SLC5A1: variants seen among roughly 807,000 people sequenced by gnomAD.
SLC5A1 encodes the protein solute carrier family 5 member 1, also known as sodium/glucose cotransporter 1.
SLC5A1 carries 42 observed loss-of-function variants against 73.5 expected under a neutral mutation model. The observed-to-expected ratio is 0.57, with a 90% CI of 0.45 to 0.74. The LOEUF (loss-of-function observed/expected upper bound fraction) is 0.74, where lower values mean the gene tolerates loss of function less well. SLC5A1 is among the 30% of genes least tolerant of loss of function. The pLI is 0.00. For synonymous variants in SLC5A1, 300 were observed against 317.4 expected (o/e 0.95, Z 0.58); for missense variants, 634 against 855.4 (o/e 0.74, Z 3.23).
intron 2 of SLC5A1, 87 bp downstream of exon 2, chr22:32,050,101 G>A (rs1478028933): frequency 2.5e-6 from 3 of 1,183,908 alleles, no homozygotes; most frequent in Non-Finnish European, 3.8e-6. Flanking sequence ...TTGGGTGGTG[G>A]TGATTCTAGG....
intron 2 of SLC5A1, among the ~76,000 whole-genome samples, chr22:32,059,723 A>G (rs899975862): frequency 6.6e-6 from 1 of 152,146 alleles, no homozygotes; most frequent in African/African-American, 2.4e-5. Flanking sequence ...GGTGGTTGAG[A>G]TCACCTCTGA....
rs541654306 is a variant in SLC5A1 at position 32,083,087 on chromosome 22, G to C, written c.597G>C (p.Ala199=). The C allele has an allele frequency of 6.8e-6, 11 of 1,614,138 alleles. No individual in the cohort carries two copies. Among genetic ancestry groups the C allele is most frequent in the Non-Finnish European group, 9.3e-6 (11 of 1,180,004 alleles). The change falls in exon 7 of 15, where the codon GCG becomes GCC. Residue 199 remains alanine, a synonymous_variant. Transcript: ENST00000266088. Reference sequence around the variant, plus strand: ...TTGCCTGCTTAGGGGGCCTGGCGGCGGTGATTTACACGGACACCTTGCAGA... The same window carrying C: ...TTGCCTGCTTAGGGGGCCTGGCGGCCGTGATTTACACGGACACCTTGCAGA... ...ALYTITGGLA[A]VIYTDTLQTV...
chr22:32,086,355 G>A, intron 10 of SLC5A1, 28 bp downstream of exon 10: 1 of 1,498,860 alleles, frequency 6.7e-7, no homozygotes, highest in South Asian at 1.1e-5. Context: ...GAGGTTGGTA[G>A]AGTCTTTCTT....
At chr22:32,063,332 T>A (rs1329898430) in intron 2 of SLC5A1, among the ~76,000 whole-genome samples, 1 of 152,164 alleles carries the variant, frequency 6.6e-6, no homozygotes, top group South Asian at 2.1e-4. Context: ...GGGACACTGA[T>A]TGAGAATCAG....
At chr22:32,108,115 T>G (rs1334373042) in intron 14 of SLC5A1, among the ~76,000 whole-genome samples, 3 of 151,890 alleles carry the variant, frequency 2.0e-5, no homozygotes. Context: ...TCAATTTTTT[T>G]TTTTTTTTTG....
chr22:32,077,804 A>C (rs2093993354), intron 5 of SLC5A1, among the ~76,000 whole-genome samples: 1 of 152,102 alleles, frequency 6.6e-6, no homozygotes. Flanking sequence ...ATTCTTCTAG[A>C]CTATGTTTTT....
chr22:32,051,111 T>A (rs1322518909), intron 2 of SLC5A1, among the ~76,000 whole-genome samples: 3 of 152,158 alleles, frequency 2.0e-5, no homozygotes, highest in African/African-American at 7.2e-5. Context: ...GAGAGACTCT[T>A]GTTTTGGAAG....
chr22:32,080,725 G>T (rs2093998437), intron 5 of SLC5A1, among the ~76,000 whole-genome samples: 1 of 152,248 alleles, frequency 6.6e-6, no homozygotes, highest in African/African-American at 2.4e-5. Context: ...GCTGGGCGCA[G>T]TGGCTCACGC....
intron 1 of SLC5A1, among the ~76,000 whole-genome samples, chr22:32,045,107 G>A (rs567318100): frequency 6.6e-6 from 1 of 152,134 alleles, no homozygotes; most frequent in Non-Finnish European, 1.5e-5. Flanking sequence ...TATGGTACCA[G>A]GCACTCTGCC....
chr22:32,066,797 T>A (rs1434724714), intron 2 of SLC5A1, 138 bp from the exon 3 acceptor site: 3 of 690,248 alleles, frequency 4.3e-6, no homozygotes, highest in Non-Finnish European at 8.1e-6. Context: ...CCCTGATGAT[T>A]CCAGCACAGT....
intron 2 of SLC5A1, among the ~76,000 whole-genome samples, chr22:32,065,950 A>T (rs1399960996): frequency 6.6e-6 from 1 of 152,240 alleles, no homozygotes; most frequent in Non-Finnish European, 1.5e-5. Flanking sequence ...CTTAGCAAGA[A>T]TGGGGATAAT....
chr22:32,056,382 A>G (rs542071079), intron 2 of SLC5A1, among the ~76,000 whole-genome samples: 35 of 151,690 alleles, frequency 2.3e-4, no homozygotes, highest in African/African-American at 8.2e-4. Flanking sequence ...ACAAATAAAA[A>G]TACAGGATGC....
At chr22:32,101,884 T>C (rs1441370609) in intron 12 of SLC5A1, 138 bp from the exon 13 acceptor site, 1 of 715,494 alleles carries the variant, frequency 1.4e-6, no homozygotes, top group Non-Finnish European at 2.5e-6. Context: ...ACTTCAGTGT[T>C]CTGGGTTCAG....
chr22:32,064,482 T>G (rs1387470286), intron 2 of SLC5A1, among the ~76,000 whole-genome samples: 1 of 148,798 alleles, frequency 6.7e-6, no homozygotes, highest in African/African-American at 2.5e-5. Flanking sequence ...GTGACAGGAA[T>G]AAAACCCTGT....
intron 2 of SLC5A1, among the ~76,000 whole-genome samples, chr22:32,064,827 C>A (rs970689151): frequency 2.0e-5 from 3 of 152,186 alleles, no homozygotes; most frequent in African/African-American, 7.2e-5. Flanking sequence ...GTTCTATTTT[C>A]TTCCTTGCCC....
rs1214008697 is a variant in SLC5A1, at chr22:32,084,482, C to T, written c.708C>T (p.Tyr236=). ...GCTATGACGCCTTCATGGAAAAGTA[C>T]ATGAAAGCCATTCCAACCATAGTGT... ...VGGYDAFMEK[Y]MKAIPTIVSD... The change falls in exon 8 of 15, where the codon TAC becomes TAT. Residue 236 remains tyrosine (Y), a synonymous_variant. Transcript: ENST00000266088. 3.1e-6 allele frequency: 5 copies of T among 1,614,138 alleles called. No individual in the cohort carries two copies. The highest frequency in any genetic ancestry group is 1.1e-5 in the South Asian group (1 of 91,090).
In SLC5A1 at chr22:32,112,832, T is replaced by A. The variant is rs896364804; in HGVS notation, c.*2619T>A. ...TGTACAATGTATCAATTATAGTTAA[T>A]AGCAATATAACATATACTTGAAAAT... On this transcript the variant is annotated 3_prime_UTR_variant, in exon 15 of 15. Transcript: ENST00000266088. 6.6e-6 allele frequency: 1 copy of A among 152,176 alleles called. No homozygotes were observed. The highest frequency in any genetic ancestry group is 1.5e-5 in the Non-Finnish European group (1 of 68,032). 9.4% of individuals were successfully genotyped at this position (152,176 alleles called of 1,614,324 possible). A position where few individuals can be genotyped will look rare whatever the true frequency, so the allele number is the denominator to read the frequency against.
intron 5 of SLC5A1, among the ~76,000 whole-genome samples, chr22:32,081,097 G>A (rs2093999141): frequency 6.6e-6 from 1 of 152,146 alleles, no homozygotes. Context: ...TGACCCTGGT[G>A]CTCTCTGCTG....
chr22:32,054,226 GTGAAT>G (rs1299729460), intron 2 of SLC5A1, among the ~76,000 whole-genome samples: 9 of 152,174 alleles, frequency 5.9e-5, no homozygotes, highest in Admixed American at 4.6e-4. Context: ...TCCTTAAGCT[GTGAAT>G]TGAATCATTC....
Sources: allele counts gnomAD v4.1 joint callset (sites outside exome capture counted in the v4.1 genomes callset), GRCh38; gene constraint gnomAD v4.1.1; transcripts MANE v1.5; gene names NCBI Gene and HGNC (gene_info 2026-07-23, HGNC 2026-07-21).